Variants in CDH13 observed in about 807,000 individuals in gnomAD.
The protein encoded by CDH13 is cadherin-13.
In CDH13, 24 loss-of-function variants were observed where a neutral mutation model predicts 63.8. The ratio of observed to expected loss-of-function variants is 0.38; its 90% CI spans 0.27 to 0.53. CDH13 has a LOEUF of 0.53. Ranked by LOEUF, CDH13 falls within the 20% of genes least tolerant of loss-of-function variation. CDH13 has a pLI of 0.85. For synonymous variants in CDH13, 503 were observed against 355.3 expected, an observed-to-expected ratio of 1.42 and a Z score of -4.67; for missense variants, 1,049 against 903.1, an observed-to-expected ratio of 1.16 and a Z score of -2.07.
At chr16:83,786,729 A>C (rs1915909839) in intron 13 of CDH13, among the ~76,000 whole-genome samples, 1 of 152,072 alleles carries the variant, frequency 6.6e-6, no homozygotes, top group Non-Finnish European at 1.5e-5. Context: ...CTAGGATTAC[A>C]GGCATGCACC....
chr16:82,629,126 C>G (rs981476330), intron 1 of CDH13, among the ~76,000 whole-genome samples: 5 of 152,204 alleles, frequency 3.3e-5, no homozygotes, highest in African/African-American at 1.2e-4. Flanking sequence ...AGACAGACCA[C>G]GTGACAGGGC....
At chr16:82,766,572 G>T (rs913007940) in intron 1 of CDH13, among the ~76,000 whole-genome samples, 1 of 152,166 alleles carries the variant, frequency 6.6e-6, no homozygotes, top group African/African-American at 2.4e-5. Context: ...CTCTCCTGAG[G>T]CTCTTGTGAG....
intron 2 of CDH13, among the ~76,000 whole-genome samples, chr16:83,002,171 G>C (rs758352243): frequency 3.9e-5 from 6 of 152,176 alleles, no homozygotes; most frequent in Non-Finnish European, 7.3e-5. Flanking sequence ...TTGGAAAAAG[G>C]GTCTTTGAAG....
chr16:82,647,189 A>G (rs764904450), intron 1 of CDH13, among the ~76,000 whole-genome samples: 21 of 152,198 alleles, frequency 1.4e-4, no homozygotes, highest in Non-Finnish European at 2.6e-4. Context: ...AACCTAGCTG[A>G]TATGACTGGG....
chr16:83,498,780 A>G (rs2074205588), intron 7 of CDH13, among the ~76,000 whole-genome samples: 1 of 152,228 alleles, frequency 6.6e-6, no homozygotes, highest in Non-Finnish European at 1.5e-5. Flanking sequence ...AACACAGAAA[A>G]GCAAAATACA....
chr16:82,932,963 G>T (rs544543903), intron 2 of CDH13, among the ~76,000 whole-genome samples: 1 of 152,082 alleles, frequency 6.6e-6, no homozygotes, highest in Non-Finnish European at 1.5e-5. Flanking sequence ...GAAAGCAAGG[G>T]TTAGCATTTT....
intron 1 of CDH13, among the ~76,000 whole-genome samples, chr16:82,747,098 T>C (rs2034210149): frequency 6.6e-6 from 1 of 152,226 alleles, no homozygotes. Context: ...CTCAATACAA[T>C]GAGTTTTATT....
At chr16:83,364,841 T>G (rs2091228586) in intron 6 of CDH13, among the ~76,000 whole-genome samples, 1 of 152,114 alleles carries the variant, frequency 6.6e-6, no homozygotes, top group Non-Finnish European at 1.5e-5. Context: ...TTCTCCCTCA[T>G]AAGTGGGAGT....
At chr16:82,821,511 C>A (rs1206862500) in intron 1 of CDH13, among the ~76,000 whole-genome samples, 1 of 152,132 alleles carries the variant, frequency 6.6e-6, no homozygotes, top group African/African-American at 2.4e-5. Context: ...TCCTTCTTTC[C>A]ATAATTGGTT....
chr16:82,658,737 T>C (rs1911587885), intron 1 of CDH13, among the ~76,000 whole-genome samples: 1 of 152,230 alleles, frequency 6.6e-6, no homozygotes, highest in South Asian at 2.1e-4. Context: ...GTGACCTCTC[T>C]TCATTTGAAT....
At chr16:83,311,720 G>A (rs993878796) in intron 5 of CDH13, among the ~76,000 whole-genome samples, 5 of 152,154 alleles carry the variant, frequency 3.3e-5, no homozygotes, top group South Asian at 2.1e-4. Flanking sequence ...TATCCAGAAC[G>A]CTCTTTTCTT....
intron 7 of CDH13, among the ~76,000 whole-genome samples, chr16:83,591,979 G>A (rs937534100): frequency 3.3e-5 from 5 of 152,168 alleles, no homozygotes; most frequent in Non-Finnish European, 7.3e-5. Context: ...TCCTATGGTA[G>A]GGTATGCCCT....
intron 7 of CDH13, among the ~76,000 whole-genome samples, chr16:83,536,742 G>T (rs1346641527): frequency 1.3e-5 from 2 of 152,212 alleles, no homozygotes; most frequent in Non-Finnish European, 2.9e-5. Flanking sequence ...TACCATATTG[G>T]TTCAAACAAG....
In CDH13 at chr16:82,752,893, T is replaced by C. The variant is rs74030835; in HGVS notation, c.46-105469T>C. Reference sequence around the variant, plus strand: ...AGCCGCACCCCATTATTGTACCCCATTATGTAGTACTTCTGCCATGCAGAT... The same window carrying C: ...AGCCGCACCCCATTATTGTACCCCACTATGTAGTACTTCTGCCATGCAGAT... On this transcript the variant is annotated intron_variant, in intron 1 of 13. Transcript: ENST00000567109. 4.3e-3 allele frequency among the ~76,000 whole-genome samples: 658 copies of C among 152,344 alleles called. 4 individuals are homozygous for C. The highest frequency in any genetic ancestry group is 0.015 in the African/African-American group (636 of 41,572).
chr16:82,796,781 C>A (rs900329138), intron 1 of CDH13, among the ~76,000 whole-genome samples: 3 of 152,178 alleles, frequency 2.0e-5, no homozygotes, highest in African/African-American at 7.2e-5. Flanking sequence ...TATGGGAGAT[C>A]CCAGAGGAAG....
chr16:83,755,842 G>A (rs78428384), intron 11 of CDH13, among the ~76,000 whole-genome samples: 1,688 of 151,860 alleles, frequency 0.011, 41 homozygotes, highest in African/African-American at 0.038. Flanking sequence ...TGCCAGAGAG[G>A]CATAGAAACA....
intron 11 of CDH13, among the ~76,000 whole-genome samples, chr16:83,772,327 G>C (rs2150999581): frequency 6.6e-6 from 1 of 152,264 alleles, no homozygotes; most frequent in South Asian, 2.1e-4. Flanking sequence ...AGAGGCAGTA[G>C]GCTGGAAAGG....
In CDH13 at chr16:83,554,662, C is replaced by G. The variant is rs140878925; in HGVS notation, c.961-47792C>G. Among the ~76,000 whole-genome samples, 138 of 152,082 alleles carry G rather than the reference C, an allele frequency of 9.1e-4. 2 individuals are homozygous for G. The highest frequency in any genetic ancestry group is 3.1e-3 in the African/African-American group (127 of 41,488). On this transcript the variant is annotated intron_variant, in intron 7 of 13. Transcript: ENST00000567109. Reference sequence around the variant, plus strand: ...CAAAAACCACAACCTTGCACAAAGGCCATCACAACCTTACACACACACACG... The same window carrying G: ...CAAAAACCACAACCTTGCACAAAGGGCATCACAACCTTACACACACACACG...
intron 8 of CDH13, among the ~76,000 whole-genome samples, chr16:83,626,522 A>C (rs373780471): frequency 6.6e-6 from 1 of 152,186 alleles, no homozygotes. Context: ...AATGCAAGTC[A>C]CAAATGTGTG....
Sources: gnomAD v4.1 joint callset for allele counts (sites outside exome capture counted in the v4.1 genomes callset) on GRCh38, gnomAD v4.1.1 for gene constraint, MANE v1.5 for transcripts, NCBI Gene and HGNC (gene_info 2026-07-23, HGNC 2026-07-21) for gene names.